Variants in ALS2 observed in about 807,000 individuals in gnomAD.
ALS2 encodes alsin.
In ALS2, 117 loss-of-function variants were observed where a neutral mutation model predicts 203.4. That is an observed-to-expected ratio of 0.58 (90% CI 0.50 to 0.67). The LOEUF (loss-of-function observed/expected upper bound fraction) is 0.67, where lower values mean the gene tolerates loss of function less well. Among genes scored for constraint, ALS2 ranks in the 30% least tolerant of loss-of-function variants. The pLI, the probability that ALS2 is intolerant of heterozygous loss-of-function variation, is 0.00. For synonymous variants in ALS2, 718 were observed against 725.9 expected (o/e 0.99, Z 0.17); for missense variants, 1,715 against 1,989.4 (o/e 0.86, Z 2.62).
At chr2:201,733,225 C>G (rs1298206708) in intron 13 of ALS2, 51 bp downstream of exon 13, 1 of 1,590,672 alleles carries the variant, frequency 6.3e-7, no homozygotes, top group East Asian at 2.2e-5. Flanking sequence ...ATACAAACAA[C>G]TATGATCCTT....
rs767248077 is a variant in ALS2, at chr2:201,767,225, T to C, written c.175+4A>G. On this transcript the variant is annotated splice_donor_region_variant and intron_variant, in intron 3 of 33. Coordinates refer to ENST00000264276, the MANE Select transcript of ALS2 (RefSeq NM_020919.4). ...CGTATTTGTTACGCCATTCTTTTCA[T>C]TACCTTCAGTCAGAAGAACTCCATG... 1 of 1,614,094 alleles carries C rather than the reference T, an allele frequency of 6.2e-7. No homozygotes were observed.
intron 5 of ALS2, among the ~76,000 whole-genome samples, chr2:201,756,778 G>A (rs1174479733): frequency 3.9e-5 from 6 of 152,160 alleles, no homozygotes; most frequent in Non-Finnish European, 7.3e-5. Flanking sequence ...TAATCACCTG[G>A]GGGACCTTGC....
intron 9 of ALS2, among the ~76,000 whole-genome samples, chr2:201,744,863 CAGGG>C (rs1007918078): frequency 6.6e-6 from 1 of 152,036 alleles, no homozygotes; most frequent in African/African-American, 2.4e-5. Flanking sequence ...TTAATGAGAC[CAGGG>C]AGGATCTCTA....
intron 1 of ALS2, among the ~76,000 whole-genome samples, chr2:201,778,644 T>C (rs1026952254): frequency 1.4e-4 from 22 of 152,208 alleles, no homozygotes; most frequent in African/African-American, 4.6e-4. Flanking sequence ...CCGAGTACTT[T>C]CTTATTACAG....
intron 1 of ALS2, among the ~76,000 whole-genome samples, chr2:201,779,218 T>A (rs2106122031): frequency 6.6e-6 from 1 of 152,324 alleles, no homozygotes; most frequent in Non-Finnish European, 1.5e-5. Flanking sequence ...TTGAGTACAT[T>A]TAAAAAGTAA....
At chr2:201,728,184 A>G (rs565388043) in intron 15 of ALS2, among the ~76,000 whole-genome samples, 33 of 152,224 alleles carry the variant, frequency 2.2e-4, no homozygotes, top group Admixed American at 1.0e-3. Context: ...CCATGTTGGT[A>G]TGCTGCACCC....
rs1432199852 is a variant in ALS2, at chr2:201,704,436, A to G, written c.4838+18T>C. 7 of 1,613,962 alleles carry G rather than the reference A, an allele frequency of 4.3e-6. No homozygotes were observed. Among genetic ancestry groups the G allele is most frequent in the Non-Finnish European group, 5.9e-6 (7 of 1,179,914 alleles). On this transcript the variant is annotated intron_variant, in intron 32 of 33. Coordinates refer to ENST00000264276, the MANE Select transcript of ALS2 (RefSeq NM_020919.4). ...TAAAAATAACGACTCACTAATAACA[A>G]AGTCATAAAACAGTTACCTGGCCCG...
At position 201,724,366 on chromosome 2, in the gene ALS2, A is replaced by G. The variant is rs1215977298; in HGVS notation, c.3441T>C (p.Ser1147=). Residue 1147 remains serine, a synonymous_variant, in exon 21 of 34, where the codon TCT becomes TCC. Transcript: ENST00000264276. ...CCCACTGGCCAATGAACATACTAGG[A>G]GAAGAGGACGTCAATTTCCCACTTC... is the stretch of plus-strand genomic sequence containing the variant. ...LLRSGKLTSS[S]PSMFIGQWVM... is the part of the protein sequence containing the mutation. 6.2e-7 allele frequency: 1 copy of G among 1,613,840 alleles called. No individual in the cohort carries two copies. The highest frequency in any genetic ancestry group is 1.7e-5 in the Admixed American group (1 of 60,028).
rs552796032 is a variant in ALS2 at position 201,707,009 on chromosome 2, T to C, written c.4417A>G (p.Ser1473Gly). 4 of 1,613,628 alleles carry C rather than the reference T, an allele frequency of 2.5e-6. No individual in the cohort carries two copies. Among genetic ancestry groups the C allele is most frequent in the East Asian group, 2.2e-5 (1 of 44,836 alleles). The change falls in exon 29 of 34, where the codon AGT becomes GGT. Residue 1473 changes from serine to glycine, a missense_variant. Physicochemically the swap from Ser to Gly is moderately conservative, Grantham distance 56. This residue lies in a region of ALS2 where 1,227 missense variants were observed against 1,413.5 expected (regional missense o/e 0.87). Coordinates refer to ENST00000264276, the MANE Select transcript of ALS2 (RefSeq NM_020919.4). The part of the protein sequence containing the change: ...ESPEPGYVVT[S>G]SGLLLPVLLP... ...AGCACAGGAAGCAATAATCCAGAAC[T>C]CGTTACTACATAACTACAAAATAAT...
intron 25 of ALS2, among the ~76,000 whole-genome samples, chr2:201,712,997 T>C (rs1690127028): frequency 6.6e-6 from 1 of 152,180 alleles, no homozygotes; most frequent in Non-Finnish European, 1.5e-5. Context: ...CATGGTTATC[T>C]GTGGTTTTTC....
chr2:201,730,754 T>G (rs1369188904), intron 13 of ALS2, among the ~76,000 whole-genome samples: 1 of 152,234 alleles, frequency 6.6e-6, no homozygotes, highest in Non-Finnish European at 1.5e-5. Context: ...ACATGTACTT[T>G]GCATGTCACC....
chr2:201,706,046 A>ATTAT (rs979223027), intron 29 of ALS2, among the ~76,000 whole-genome samples: 11 of 152,202 alleles, frequency 7.2e-5, no homozygotes, highest in African/African-American at 2.7e-4. Context: ...GAAAGAAAAC[A>ATTAT]TAATAATTTA....
chr2:201,770,366 T>C (rs1378879748), intron 1 of ALS2, among the ~76,000 whole-genome samples: 1 of 152,206 alleles, frequency 6.6e-6, no homozygotes, highest in Non-Finnish European at 1.5e-5. Context: ...AGTCAACCTT[T>C]ATTCTCTCTT....
intron 8 of ALS2, among the ~76,000 whole-genome samples, chr2:201,748,728 C>A (rs1262267803): frequency 6.6e-6 from 1 of 152,142 alleles, no homozygotes; most frequent in African/African-American, 2.4e-5. Context: ...CAGATTGGAG[C>A]TAGAAGTAAT....
chr2:201,717,758 A>G (rs766374681), intron 24 of ALS2, among the ~76,000 whole-genome samples: 37 of 151,940 alleles, frequency 2.4e-4, no homozygotes, highest in Non-Finnish European at 4.0e-4. Context: ...CCTGAGCAAT[A>G]GCAAGACCCA....
At chr2:201,753,378 T>C (rs373110342) in intron 6 of ALS2, 136 bp from the exon 7 acceptor site, 32 of 756,606 alleles carry the variant, frequency 4.2e-5, no homozygotes, top group African/African-American at 3.6e-4. Flanking sequence ...AATGGATATA[T>C]GGTCAATCTA....
chr2:201,744,570 G>T, intron 9 of ALS2, 141 bp from the exon 10 acceptor site: 1 of 909,878 alleles, frequency 1.1e-6, no homozygotes, highest in Non-Finnish European at 1.7e-6. Context: ...TTAAACCATT[G>T]GCAGCTTGAA....
At chr2:201,775,156 G>A (rs1694596468) in intron 1 of ALS2, among the ~76,000 whole-genome samples, 1 of 152,200 alleles carries the variant, frequency 6.6e-6, no homozygotes, top group Non-Finnish European at 1.5e-5. Context: ...AATAATAGGT[G>A]AGTAAACTGT....
intron 29 of ALS2, among the ~76,000 whole-genome samples, chr2:201,705,754 A>G (rs979357236): frequency 6.6e-6 from 1 of 150,930 alleles, no homozygotes; most frequent in African/African-American, 2.5e-5. Context: ...GAAAACAATT[A>G]AAGCACAAAA....
Sources: gnomAD v4.1 joint callset for allele counts (sites outside exome capture counted in the v4.1 genomes callset) on GRCh38, gnomAD v4.1.1 for gene constraint, gnomAD v4.1.1 regional missense constraint, MANE v1.5 for transcripts, NCBI Gene and HGNC (gene_info 2026-07-23, HGNC 2026-07-21) for gene names.